The following WARS2 variants were observed in gnomAD, a reference collection of about 807,000 sequenced individuals.
WARS2 encodes tryptophanyl tRNA synthetase 2, mitochondrial.
WARS2 carries 28 observed loss-of-function variants against 36.5 expected under a neutral mutation model. That is an observed-to-expected ratio of 0.77 (90% CI 0.57 to 1.05). The LOEUF is 1.05. WARS2 is among the 50% of genes least tolerant of loss of function. The probability of loss-of-function intolerance (pLI) is 0.00; values close to 1 mark genes in which losing one functional copy is unlikely to be tolerated. For synonymous variants in WARS2, 174 were observed against 178.4 expected (o/e 0.98, Z 0.20); for missense variants, 435 against 456.8 (o/e 0.95, Z 0.44).
rs770871163 is a variant in WARS2, at chr1:119,140,573, T to C, written c.72A>G (p.Ala24=). ...TGGTTACCTGGAGAGCGGGAGCAGC[T>C]GCGGATCCCTTATGAAGTGCCCGGA... ...SFIRALHKGS[A]AAPALQKDSK... Residue 24 remains alanine, a synonymous_variant, in exon 1 of 6, where the codon GCA becomes GCG. Transcript: ENST00000235521. 6.2e-7 allele frequency: 1 copy of C among 1,613,542 alleles called. No homozygotes were observed. The highest frequency in any genetic ancestry group is 2.2e-5 in the East Asian group (1 of 44,856).
At chr1:119,082,199 C>T in intron 1 of WARS2, 3 of 923,122 alleles carry the variant, frequency 3.2e-6, no homozygotes, top group Non-Finnish European at 3.9e-6. Context: ...ATGATAAGCA[C>T]TTAATATGTA....
At chr1:119,090,548 A>C (rs1186853759) in intron 1 of WARS2, among the ~76,000 whole-genome samples, 1 of 152,106 alleles carries the variant, frequency 6.6e-6, no homozygotes, top group Non-Finnish European at 1.5e-5. Context: ...TTTTTAAAAA[A>C]CGCATGTCAT....
At chr1:119,050,365 CT>C (rs1489569864) in intron 2 of WARS2, among the ~76,000 whole-genome samples, 1 of 152,180 alleles carries the variant, frequency 6.6e-6, no homozygotes, top group East Asian at 1.9e-4. Context: ...TCTCCTTAAT[CT>C]TTTTCCATAT....
chr1:119,082,538 A>G, intron 1 of WARS2: 1 of 761,472 alleles, frequency 1.3e-6, no homozygotes, highest in Non-Finnish European at 1.6e-6. Flanking sequence ...GGTGAGTCAG[A>G]TCTGGATCTG....
intron 2 of WARS2, among the ~76,000 whole-genome samples, chr1:119,053,200 A>G (rs1324815751): frequency 6.6e-6 from 1 of 152,190 alleles, no homozygotes; most frequent in African/African-American, 2.4e-5. Flanking sequence ...CATAAGAGTA[A>G]TCAAATTTTT....
chr1:119,057,560 C>T (rs760958692), intron 2 of WARS2, among the ~76,000 whole-genome samples: 4 of 150,208 alleles, frequency 2.7e-5, no homozygotes, highest in Non-Finnish European at 5.9e-5. Flanking sequence ...GAGGCTGAGG[C>T]GGGAGGATCA....
At chr1:119,076,291 T>C (rs749923173) in intron 2 of WARS2, 59 bp downstream of exon 2, 1 of 1,583,770 alleles carries the variant, frequency 6.3e-7, no homozygotes, top group Non-Finnish European at 8.6e-7. Context: ...CCATTCAACA[T>C]TTTTTCCTCA....
At chr1:119,046,090 T>A (rs1487979325) in intron 2 of WARS2, among the ~76,000 whole-genome samples, 1 of 151,982 alleles carries the variant, frequency 6.6e-6, no homozygotes, top group African/African-American at 2.4e-5. Flanking sequence ...TCTAAATACA[T>A]CAAAGCAGCT....
intron 1 of WARS2, among the ~76,000 whole-genome samples, chr1:119,108,639 T>C (rs1266856433): frequency 6.6e-6 from 1 of 151,942 alleles, no homozygotes; most frequent in Non-Finnish European, 1.5e-5. Context: ...TGTTATTGAT[T>C]TTATTGAACT....
intron 2 of WARS2, among the ~76,000 whole-genome samples, chr1:119,051,548 T>C (rs1249925310): frequency 1.3e-5 from 2 of 152,154 alleles, no homozygotes; most frequent in African/African-American, 4.8e-5. Flanking sequence ...CCTTTGGGTA[T>C]ATACCCAGTA....
chr1:119,069,998 T>C (rs774934280), intron 2 of WARS2, among the ~76,000 whole-genome samples: 4 of 152,162 alleles, frequency 2.6e-5, no homozygotes, highest in Non-Finnish European at 5.9e-5. Context: ...AGTGGTGCTT[T>C]AGGGGAAAAC....
chr1:119,068,599 G>T (rs890461977), intron 2 of WARS2, among the ~76,000 whole-genome samples: 2 of 152,100 alleles, frequency 1.3e-5, no homozygotes, highest in African/African-American at 4.8e-5. Flanking sequence ...CAGAAATCCA[G>T]TGCCTAGAGC....
chr1:119,129,434 C>G lies in WARS2; in HGVS notation c.90+11121G>C, dbSNP rs74776608. ...AATCAAACCCGTCCTCTTGGCCAGGCAGAGTGGTTCACACCTGTAATCTCA... is the reference window on the plus strand; with the variant it reads ...AATCAAACCCGTCCTCTTGGCCAGGGAGAGTGGTTCACACCTGTAATCTCA... On this transcript the variant is annotated intron_variant, in intron 1 of 5. Coordinates refer to ENST00000235521, the MANE Select transcript of WARS2 (RefSeq NM_015836.4). Among the ~76,000 whole-genome samples the G allele has an allele frequency of 3.2e-3, 492 of 152,306 alleles. 2 individuals carry two copies. Among genetic ancestry groups the G allele is most frequent in the Middle Eastern group, 0.014 (4 of 294 alleles).
At chr1:119,107,328 T>C (rs1465967050) in intron 1 of WARS2, among the ~76,000 whole-genome samples, 1 of 152,160 alleles carries the variant, frequency 6.6e-6, no homozygotes, top group African/African-American at 2.4e-5. Context: ...AGCTTAGCAA[T>C]TATTTCATTT....
chr1:119,111,000 C>T (rs1009526895), intron 1 of WARS2, among the ~76,000 whole-genome samples: 10 of 152,102 alleles, frequency 6.6e-5, no homozygotes, highest in African/African-American at 2.4e-4. Context: ...TCTTAGAATT[C>T]CCATCTCTCT....
At chr1:119,045,505 A>G in intron 3 of WARS2, 77 bp downstream of exon 3, 1 of 1,287,630 alleles carries the variant, frequency 7.8e-7, no homozygotes, top group Non-Finnish European at 1.1e-6. Flanking sequence ...AGGAGAGTAA[A>G]CTCAGGATTC....
intron 1 of WARS2, among the ~76,000 whole-genome samples, chr1:119,086,283 C>T (rs1652658711): frequency 6.6e-6 from 1 of 152,198 alleles, no homozygotes; most frequent in Admixed American, 6.5e-5. Flanking sequence ...CACACATCCA[C>T]ATTGACACCT....
intron 2 of WARS2, among the ~76,000 whole-genome samples, chr1:119,046,583 C>A (rs1356263628): frequency 6.6e-6 from 1 of 150,654 alleles, no homozygotes; most frequent in African/African-American, 2.4e-5. Flanking sequence ...GTCTTGAACT[C>A]CTGACCTCGT....
At chr1:119,050,205 CT>C (rs926528197) in intron 2 of WARS2, among the ~76,000 whole-genome samples, 3 of 152,120 alleles carry the variant, frequency 2.0e-5, no homozygotes. Context: ...ACATTAAGGG[CT>C]TGCACTGGCT....
Sources: allele counts gnomAD v4.1 joint callset (sites outside exome capture counted in the v4.1 genomes callset), GRCh38; gene constraint gnomAD v4.1.1; transcripts MANE v1.5; gene names NCBI Gene and HGNC (gene_info 2026-07-23, HGNC 2026-07-21).